Variants in PTPN22 observed in about 807,000 individuals in gnomAD.
PTPN22 encodes the protein protein tyrosine phosphatase non-receptor type 22, also known as tyrosine-protein phosphatase non-receptor type 22.
PTPN22 carries 85 observed loss-of-function variants against 103.3 expected under a neutral mutation model. The ratio of observed to expected loss-of-function variants is 0.82; its 90% CI spans 0.69 to 0.99. The LOEUF (loss-of-function observed/expected upper bound fraction) is 0.99. PTPN22 is among the 50% of genes least tolerant of loss of function. PTPN22 has a pLI of 0.00. For synonymous variants in PTPN22, 323 were observed against 310.2 expected (o/e 1.04, Z -0.43); for missense variants, 865 against 936.9 (o/e 0.92, Z 1.00).
At chr1:113,830,604 C>G (rs1408570957) in intron 16 of PTPN22, among the ~76,000 whole-genome samples, 1 of 152,074 alleles carries the variant, frequency 6.6e-6, no homozygotes, top group East Asian at 1.9e-4. Flanking sequence ...TGTAAAAAGA[C>G]ATTTTTGAGA....
At chr1:113,863,456 G>A (rs1051201167) in intron 1 of PTPN22, among the ~76,000 whole-genome samples, 5 of 152,350 alleles carry the variant, frequency 3.3e-5, no homozygotes, top group Admixed American at 6.5e-5. Context: ...TCCCTAGTGA[G>A]AGGCTGGAGA....
chr1:113,841,763 C>T (rs893942190), intron 11 of PTPN22, among the ~76,000 whole-genome samples: 8 of 152,050 alleles, frequency 5.3e-5, no homozygotes, highest in South Asian at 2.1e-4. Context: ...CCACCACACC[C>T]GGCTAATTTT....
At chr1:113,819,522 G>T in intron 20 of PTPN22, 55 bp downstream of exon 20, 2 of 1,350,544 alleles carry the variant, frequency 1.5e-6, no homozygotes, top group Middle Eastern at 2.0e-4. Flanking sequence ...CAGTTATACT[G>T]TAAATGAGTA....
intron 1 of PTPN22, among the ~76,000 whole-genome samples, chr1:113,870,733 A>G (rs1025014853): frequency 1.3e-5 from 2 of 152,210 alleles, no homozygotes; most frequent in African/African-American, 4.8e-5. Context: ...GAAAAGAAAA[A>G]TGATGGCCAG....
intron 19 of PTPN22, among the ~76,000 whole-genome samples, chr1:113,821,531 C>T (rs1399373971): frequency 6.6e-6 from 1 of 152,100 alleles, no homozygotes; most frequent in East Asian, 1.9e-4. Flanking sequence ...ACCATGTTGG[C>T]CAGGCTGGTC....
chr1:113,857,021 T>C (rs1558050795), intron 5 of PTPN22, among the ~76,000 whole-genome samples: 2 of 152,184 alleles, frequency 1.3e-5, no homozygotes, highest in Non-Finnish European at 2.9e-5. Flanking sequence ...GAACCACAAA[T>C]GTAATTTTAA....
chr1:113,829,440 C>T (rs1226765224), intron 18 of PTPN22, 152 bp downstream of exon 18: 15 of 473,854 alleles, frequency 3.2e-5, no homozygotes, highest in South Asian at 8.4e-5. Flanking sequence ...TCTTCTTTTT[C>T]GTTTCCTTCT....
intron 13 of PTPN22, 141 bp downstream of exon 13, chr1:113,837,449 C>CAAA (rs930687643): frequency 8.5e-6 from 4 of 471,354 alleles, no homozygotes; most frequent in African/African-American, 3.3e-5. Flanking sequence ...GACTCCATCT[C>CAAA]AAAAAAAAAA....
chr1:113,844,428 T>G (rs1461912067), intron 11 of PTPN22, among the ~76,000 whole-genome samples: 11 of 152,234 alleles, frequency 7.2e-5, no homozygotes, highest in Admixed American at 5.2e-4. Context: ...CACTCCAGCC[T>G]GGGTGATAGA....
chr1:113,825,303 T>C, intron 18 of PTPN22, 131 bp from the exon 19 acceptor site: 1 of 636,590 alleles, frequency 1.6e-6, no homozygotes. Context: ...TACAAAGTTG[T>C]TTTTCCATCT....
chr1:113,867,809 G>A (rs993920285), intron 1 of PTPN22, among the ~76,000 whole-genome samples: 3 of 152,182 alleles, frequency 2.0e-5, no homozygotes, highest in Admixed American at 2.0e-4. Context: ...CATGGCACTG[G>A]CTTCAGCTGC....
chr1:113,865,555 T>C (rs1322311725), intron 1 of PTPN22, among the ~76,000 whole-genome samples: 3 of 152,210 alleles, frequency 2.0e-5, no homozygotes, highest in Admixed American at 2.0e-4. Flanking sequence ...CTCTTTTATA[T>C]TTATTAAGTC....
At chr1:113,842,594 A>C (rs1169365771) in intron 11 of PTPN22, among the ~76,000 whole-genome samples, 2 of 151,620 alleles carry the variant, frequency 1.3e-5, no homozygotes, top group Admixed American at 1.3e-4. Context: ...GAATCGCTTG[A>C]ACCCGGGAGG....
chr1:113,858,955 T>C (rs939777408), intron 3 of PTPN22, 47 bp downstream of exon 3: 1 of 1,589,184 alleles, frequency 6.3e-7, no homozygotes, highest in Non-Finnish European at 8.6e-7. Flanking sequence ...CCCCTTTTTT[T>C]GGGTATCTAG....
At position 113,851,156 on chromosome 1, in the gene PTPN22, A is replaced by ATT. The variant is rs5777169; in HGVS notation, c.828+869_828+870dup. Among the ~76,000 whole-genome samples the ATT allele has an allele frequency of 4.7e-3, 687 of 146,632 alleles. 1 individual carries two copies. The highest frequency in any genetic ancestry group is 0.011 in the Middle Eastern group (3 of 278). The stretch of plus-strand genomic sequence containing the variant: ...GATACATAAATAGAGTGTGATTGTA[A>ATT]TTTTTTTTTTTTTTGAGACAGAGTC... On this transcript the variant is annotated intron_variant, in intron 10 of 20. Coordinates refer to ENST00000359785, the Ensembl canonical transcript of PTPN22.
At chr1:113,830,110 AT>A (rs1662429590) in intron 16 of PTPN22, 81 bp from the exon 17 acceptor site, 1 of 993,334 alleles carries the variant, frequency 1.0e-6, no homozygotes, top group Non-Finnish European at 1.5e-6. Context: ...TCTTTGTATA[AT>A]TTTTTAATCA....
In PTPN22 at chr1:113,855,020, G is replaced by T; in HGVS notation, c.570C>A (p.Tyr190Ter). 1 of 1,610,524 alleles carries T rather than the reference G, an allele frequency of 6.2e-7. No individual in the cohort carries two copies. The highest frequency in any genetic ancestry group is 8.5e-7 in the Non-Finnish European group (1 of 1,176,716). ...GTACATCATGGTCTGGCCAATTCTT[G>T]TAATGAAACTGGTAGATAGTTCGAG... Residue 190 changes from tyrosine (Y) to a stop codon, truncating the protein, a stop_gained, in exon 8 of 21, where the codon TAC (tyrosine) becomes TAA (stop). Transcript: ENST00000359785. LOFTEE classifies it high-confidence loss of function.
At chr1:113,858,921 G>A in intron 3 of PTPN22, 81 bp downstream of exon 3, 1 of 1,534,166 alleles carries the variant, frequency 6.5e-7, no homozygotes, top group East Asian at 2.3e-5. Flanking sequence ...TTACAGGCAT[G>A]AGCCACTGAG....
intron 5 of PTPN22, 167 bp from the exon 6 acceptor site, chr1:113,856,786 C>T (rs1358650504): frequency 1.3e-6 from 1 of 777,566 alleles, no homozygotes; most frequent in Non-Finnish European, 2.0e-6. Context: ...GATGGGAAAA[C>T]AAACATTAAA....
Sources: gnomAD v4.1 joint callset for allele counts (sites outside exome capture counted in the v4.1 genomes callset) on GRCh38, gnomAD v4.1.1 for gene constraint, MANE v1.5 for transcripts, NCBI Gene and HGNC (gene_info 2026-07-23, HGNC 2026-07-21) for gene names.